The following TEAD1 variants were observed in gnomAD, a reference collection of about 807,000 sequenced individuals.
TEAD1 encodes transcriptional enhancer factor TEF-1.
In TEAD1, 9 loss-of-function variants were observed where a neutral mutation model predicts 54.9. That is an observed-to-expected ratio of 0.16 (90% CI 0.10 to 0.29). The LOEUF is 0.29. Ranked by LOEUF, TEAD1 falls within the 10% of genes least tolerant of loss-of-function variation. The probability of loss-of-function intolerance (pLI) is 1.00; values close to 1 mark genes in which losing one functional copy is unlikely to be tolerated. For missense variants in TEAD1, 387 were observed against 535.9 expected, an observed-to-expected ratio of 0.72 and a Z score of 2.74; for synonymous variants, 200 against 187.8, an observed-to-expected ratio of 1.07 and a Z score of -0.53.
At chr11:12,873,342 GGA>G (rs1465302175) in intron 5 of TEAD1, among the ~76,000 whole-genome samples, 3 of 152,102 alleles carry the variant, frequency 2.0e-5, no homozygotes, top group Non-Finnish European at 4.4e-5. Flanking sequence ...AGGCTTCCTG[GGA>G]GAGAGTCATG....
chr11:12,844,756 C>G (rs928286334), intron 3 of TEAD1, among the ~76,000 whole-genome samples: 1 of 152,026 alleles, frequency 6.6e-6, no homozygotes, highest in Non-Finnish European at 1.5e-5. Flanking sequence ...AGCCGGCTGG[C>G]CCTTTGTAGG....
chr11:12,934,413 A>G (rs1290386627), intron 12 of TEAD1, among the ~76,000 whole-genome samples: 1 of 152,150 alleles, frequency 6.6e-6, no homozygotes, highest in African/African-American at 2.4e-5. Context: ...GGGGGAAGGG[A>G]TAGCATTAGG....
chr11:12,881,812 C>G, intron 7 of TEAD1, 84 bp from the exon 8 acceptor site: 39 of 1,389,162 alleles, frequency 2.8e-5, no homozygotes, highest in Non-Finnish European at 3.7e-5. Flanking sequence ...GGACCTCCCA[C>G]TGGGAGGTCA....
chr11:12,806,411 G>A (rs1054569529), intron 3 of TEAD1, among the ~76,000 whole-genome samples: 1 of 152,234 alleles, frequency 6.6e-6, no homozygotes, highest in Non-Finnish European at 1.5e-5. Flanking sequence ...GACCTTGGAA[G>A]TGGAAAAGGG....
At chr11:12,843,641 G>A (rs1322856443) in intron 3 of TEAD1, among the ~76,000 whole-genome samples, 1 of 152,192 alleles carries the variant, frequency 6.6e-6, no homozygotes, top group Admixed American at 6.5e-5. Context: ...TTTCAAATCT[G>A]CAGGGTTTGG....
intron 3 of TEAD1, among the ~76,000 whole-genome samples, chr11:12,856,324 CAT>C (rs1339780274): frequency 2.0e-5 from 3 of 152,076 alleles, no homozygotes; most frequent in African/African-American, 7.2e-5. Context: ...GCAATCATGA[CAT>C]GTGCTGAAAT....
intron 2 of TEAD1, among the ~76,000 whole-genome samples, chr11:12,730,416 GTTTTTTTTTTT>G (rs59731479): frequency 8.6e-4 from 52 of 60,242 alleles, no homozygotes; most frequent in South Asian, 1.9e-3. Flanking sequence ...CCAGTTGAGT[GTTTTTTTTTTT>G]TTTTTTTTTT....
At chr11:12,769,920 C>T (rs1357515528) in intron 3 of TEAD1, among the ~76,000 whole-genome samples, 1 of 151,784 alleles carries the variant, frequency 6.6e-6, no homozygotes, top group African/African-American at 2.4e-5. Context: ...AAACAGAGAA[C>T]GTAGGTGATT....
At position 12,930,305 on chromosome 11, in the gene TEAD1, G is replaced by A. The variant is rs1948990165; in HGVS notation, c.1146G>A (p.Leu382=). 1.2e-6 allele frequency: 2 copies of A among 1,614,060 alleles called. No homozygotes were observed. Among genetic ancestry groups the A allele is most frequent in the Admixed American group, 1.7e-5 (1 of 59,994 alleles). The change falls in exon 12 of 13, where the codon TTG becomes TTA. Residue 382 remains leucine (L), a synonymous_variant. Transcript: ENST00000527636. The stretch of plus-strand genomic sequence containing the variant: ...AGAAATATATGATGAACAGTGTTTT[G>A]GAAAACTTCACAATTTTATTGGTAA...
intron 2 of TEAD1, among the ~76,000 whole-genome samples, chr11:12,709,436 T>A (rs1446502696): frequency 6.6e-6 from 1 of 152,214 alleles, no homozygotes; most frequent in Admixed American, 6.5e-5. Context: ...GATGTGGTCT[T>A]GCTATGTTGC....
At chr11:12,822,089 G>T (rs951601330) in intron 3 of TEAD1, among the ~76,000 whole-genome samples, 1 of 149,176 alleles carries the variant, frequency 6.7e-6, no homozygotes, top group Non-Finnish European at 1.5e-5. Context: ...TCAGCCTCCT[G>T]AGTAGCTGGG....
At chr11:12,705,231 C>T (rs1409380200) in intron 2 of TEAD1, among the ~76,000 whole-genome samples, 2 of 152,206 alleles carry the variant, frequency 1.3e-5, no homozygotes, top group African/African-American at 2.4e-5. Context: ...GTCTTTGGTA[C>T]CATCTCCCAT....
At chr11:12,705,663 A>G (rs1943798083) in intron 2 of TEAD1, among the ~76,000 whole-genome samples, 1 of 152,222 alleles carries the variant, frequency 6.6e-6, no homozygotes, top group African/African-American at 2.4e-5. Flanking sequence ...GCTATTAATA[A>G]AAGTTGTGTG....
At chr11:12,882,014 G>T in intron 8 of TEAD1, 57 bp downstream of exon 8, 1 of 1,583,222 alleles carries the variant, frequency 6.3e-7, no homozygotes, top group Non-Finnish European at 8.7e-7. Flanking sequence ...TGACAGCTGG[G>T]TCTGGCACTT....
intron 2 of TEAD1, among the ~76,000 whole-genome samples, chr11:12,739,198 TTCTA>T (rs374577439): frequency 1.4e-4 from 21 of 146,952 alleles, no homozygotes; most frequent in East Asian, 3.9e-4. Flanking sequence ...GTCTCATTCT[TTCTA>T]TCTATCTATC....
Position 12,941,247 on chromosome 11 carries a change from A to C in TEAD1, c.*4025A>C, listed in dbSNP as rs1171339215. On this transcript the variant is annotated 3_prime_UTR_variant, in exon 13 of 13. Coordinates refer to ENST00000527636, the MANE Select transcript of TEAD1 (RefSeq NM_021961.6). ...TGTCCTGTCCGACCATTGCTATCTG[A>C]GGCATCCACAAGCAGGTAGGAAAGC... 1 of 152,120 alleles carries C rather than the reference A, an allele frequency of 6.6e-6. No homozygotes were observed. Among genetic ancestry groups the C allele is most frequent in the South Asian group, 2.1e-4 (1 of 4,822 alleles). 9.4% of individuals were successfully genotyped at this position (152,120 alleles called of 1,614,324 possible). A position where few individuals can be genotyped will look rare whatever the true frequency, so the allele number is the denominator to read the frequency against.
rs988878004 is a variant in TEAD1 at position 12,941,483 on chromosome 11, T to G, written c.*4261T>G. 3.3e-5 allele frequency: 5 copies of G among 152,302 alleles called. No individual in the cohort carries two copies. Among genetic ancestry groups the G allele is most frequent in the African/African-American group, 2.4e-5 (1 of 41,454 alleles). The allele number at this position is 152,302 out of a possible 1,614,324, so 9.4% of individuals were successfully genotyped here. ...GTACTGTGGTGGCTTTAGCAGTTGT[T>G]TTTGTGCAACTATAAATTATTTAAA... On this transcript the variant is annotated 3_prime_UTR_variant, in exon 13 of 13. Transcript: ENST00000527636.
In TEAD1 at chr11:12,901,157, A is replaced by G. The variant is rs142166759; in HGVS notation, c.700-783A>G. Among the ~76,000 whole-genome samples the G allele has an allele frequency of 5.6e-4, 86 of 152,340 alleles. 1 individual carries two copies. The East Asian group carries it at 0.016, about 29-fold the overall frequency. On this transcript the variant is annotated intron_variant, in intron 9 of 12. Transcript: ENST00000527636. ...TCTGATGTAGCCTGGGTTGAGAACCATTGGTTTGGACACACTCCTTTGTGG... is the reference window on the plus strand; with the variant it reads ...TCTGATGTAGCCTGGGTTGAGAACCGTTGGTTTGGACACACTCCTTTGTGG...
At position 12,809,974 on chromosome 11, in the gene TEAD1, CTTTTTTTTTTTT is replaced by C. The variant is rs55647097; in HGVS notation, c.202+45553_202+45564del. 7.6e-4 allele frequency among the ~76,000 whole-genome samples: 88 copies of C among 115,648 alleles called. 1 individual carries two copies. Among genetic ancestry groups the C allele is most frequent in the African/African-American group, 3.0e-3 (80 of 27,072 alleles). 75.9% of individuals were successfully genotyped at this position (115,648 alleles called of 152,430 possible). On this transcript the variant is annotated intron_variant, in intron 3 of 12. Transcript: ENST00000527636. ...AAAGAAAGAAAACTCTTTCCCCATT[CTTTTTTTTTTTT>C]TTTTTTTTTTTTGAGATGGAGCCTC...
Sources: gnomAD v4.1 joint callset for allele counts (sites outside exome capture counted in the v4.1 genomes callset) on GRCh38, gnomAD v4.1.1 for gene constraint, MANE v1.5 for transcripts, NCBI Gene and HGNC (gene_info 2026-07-23, HGNC 2026-07-21) for gene names.